Variants in B3GALT1 observed in about 807,000 individuals in gnomAD.
The protein encoded by B3GALT1 is beta-1,3-galactosyltransferase 1.
A neutral mutation model predicts 23.2 loss-of-function variants in B3GALT1; 10 were observed. That is an observed-to-expected ratio of 0.43 (90% CI 0.27 to 0.73). The LOEUF is 0.73. Ranked by LOEUF, B3GALT1 falls within the 30% of genes least tolerant of loss-of-function variation. The pLI is 0.21. For synonymous variants in B3GALT1, 156 were observed against 141.5 expected (o/e 1.10, Z -0.73); for missense variants, 299 against 405.4 (o/e 0.74, Z 2.25).
At chr2:167,468,251 A>G (rs929665596) in intron 1 of B3GALT1, among the ~76,000 whole-genome samples, 5 of 152,188 alleles carry the variant, frequency 3.3e-5, no homozygotes, top group African/African-American at 1.2e-4. Flanking sequence ...AGTGGGCTAT[A>G]AAATGGTTTT....
chr2:167,477,060 T>C (rs934357906), intron 1 of B3GALT1, among the ~76,000 whole-genome samples: 1 of 152,310 alleles, frequency 6.6e-6, no homozygotes, highest in South Asian at 2.1e-4. Context: ...AGAATCCTAA[T>C]GCGTAACTCA....
chr2:167,765,918 T>C (rs1687970609), intron 3 of B3GALT1, among the ~76,000 whole-genome samples: 1 of 152,222 alleles, frequency 6.6e-6, no homozygotes, highest in Admixed American at 6.5e-5. Flanking sequence ...TAAACTCTGT[T>C]GCCATCTATT....
chr2:167,777,498 C>T (rs1192814589), intron 3 of B3GALT1, among the ~76,000 whole-genome samples: 1 of 152,136 alleles, frequency 6.6e-6, no homozygotes, highest in Non-Finnish European at 1.5e-5. Context: ...AGGCACCCAC[C>T]ACCACGCCCA....
At chr2:167,603,964 A>G (rs1449042645) in intron 2 of B3GALT1, among the ~76,000 whole-genome samples, 1 of 152,156 alleles carries the variant, frequency 6.6e-6, no homozygotes, top group Non-Finnish European at 1.5e-5. Context: ...CTGTGGCTTA[A>G]TTGAGTTATC....
chr2:167,397,021 A>T (rs1310846234), intron 1 of B3GALT1, among the ~76,000 whole-genome samples: 1 of 152,102 alleles, frequency 6.6e-6, no homozygotes, highest in South Asian at 2.1e-4. Context: ...GAATGAAACA[A>T]TCTCAAGCAG....
chr2:167,835,774 C>G (rs1050682058), intron 4 of B3GALT1, among the ~76,000 whole-genome samples: 2 of 151,740 alleles, frequency 1.3e-5, no homozygotes, highest in Admixed American at 1.3e-4. Flanking sequence ...TGGGAGGCAC[C>G]CCCAAGTAGG....
intron 3 of B3GALT1, among the ~76,000 whole-genome samples, chr2:167,765,859 C>T (rs1687969836): frequency 6.6e-6 from 1 of 152,328 alleles, no homozygotes; most frequent in South Asian, 2.1e-4. Context: ...TAAGCTTGCA[C>T]TCTCTTGAGG....
chr2:167,297,661 C>T (rs1696374512), intron 1 of B3GALT1, among the ~76,000 whole-genome samples: 1 of 152,050 alleles, frequency 6.6e-6, no homozygotes, highest in African/African-American at 2.4e-5. Context: ...TTCTGTGCTT[C>T]TGTTTCATTA....
intron 3 of B3GALT1, among the ~76,000 whole-genome samples, chr2:167,707,821 C>T (rs1229538770): frequency 6.6e-6 from 1 of 152,190 alleles, no homozygotes; most frequent in Non-Finnish European, 1.5e-5. Context: ...ATTCTGCTAT[C>T]ACAACACGTA....
chr2:167,418,664 C>CTTTA (rs1698502991), intron 1 of B3GALT1, among the ~76,000 whole-genome samples: 1 of 143,868 alleles, frequency 7.0e-6, no homozygotes. Flanking sequence ...CAATTTCTTC[C>CTTTA]TTTATTTCTT....
At chr2:167,305,276 C>T (rs182107861) in intron 1 of B3GALT1, among the ~76,000 whole-genome samples, 3 of 152,242 alleles carry the variant, frequency 2.0e-5, no homozygotes, top group Non-Finnish European at 2.9e-5. Context: ...GATTTTTAAA[C>T]ACAGCAATCT....
At chr2:167,797,433 G>A (rs1490605124) in intron 3 of B3GALT1, among the ~76,000 whole-genome samples, 3 of 152,160 alleles carry the variant, frequency 2.0e-5, no homozygotes, top group Non-Finnish European at 4.4e-5. Context: ...GTGCTAGAAT[G>A]AATATACAAG....
chr2:167,675,505 G>T (rs182121622), intron 3 of B3GALT1, among the ~76,000 whole-genome samples: 2 of 152,282 alleles, frequency 1.3e-5, no homozygotes, highest in South Asian at 4.1e-4. Flanking sequence ...CACTTGCATC[G>T]TTCAGAGGTA....
intron 2 of B3GALT1, among the ~76,000 whole-genome samples, chr2:167,637,659 C>T (rs1268552136): frequency 6.6e-6 from 1 of 151,966 alleles, no homozygotes; most frequent in Non-Finnish European, 1.5e-5. Flanking sequence ...CACTTCCATC[C>T]TCACACCCTT....
chr2:167,868,535 A>AT (rs1438371933), intron 4 of B3GALT1, among the ~76,000 whole-genome samples: 2 of 151,248 alleles, frequency 1.3e-5, no homozygotes, highest in Non-Finnish European at 2.9e-5. Context: ...GGGAATTCTT[A>AT]TTTAAAAATG....
intron 1 of B3GALT1, among the ~76,000 whole-genome samples, chr2:167,308,591 A>AT (rs1404715821): frequency 2.0e-5 from 3 of 152,000 alleles, no homozygotes; most frequent in African/African-American, 7.2e-5. Flanking sequence ...AAATGAAGAG[A>AT]TTTGGCTACT....
intron 3 of B3GALT1, among the ~76,000 whole-genome samples, chr2:167,701,181 C>T (rs1341728323): frequency 6.6e-6 from 1 of 152,096 alleles, no homozygotes; most frequent in African/African-American, 2.4e-5. Context: ...TCTACCAAGA[C>T]TAAGAGTAGA....
intron 1 of B3GALT1, among the ~76,000 whole-genome samples, chr2:167,334,961 T>G (rs938976287): frequency 6.6e-6 from 1 of 152,192 alleles, no homozygotes; most frequent in Admixed American, 6.6e-5. Flanking sequence ...TGGTTTGTGT[T>G]CTTGCTTTAT....
At chr2:167,528,504 C>G (rs1442791010) in intron 2 of B3GALT1, among the ~76,000 whole-genome samples, 1 of 152,128 alleles carries the variant, frequency 6.6e-6, no homozygotes, top group Non-Finnish European at 1.5e-5. Context: ...TTCACTTCTT[C>G]AGGGAGACAA....
Sources: allele counts gnomAD v4.1 joint callset (sites outside exome capture counted in the v4.1 genomes callset), GRCh38; gene constraint gnomAD v4.1.1; transcripts MANE v1.5; gene names NCBI Gene and HGNC (gene_info 2026-07-23, HGNC 2026-07-21).